FAS: variants seen among roughly 807,000 people sequenced by gnomAD.
FAS encodes the protein Fas cell surface death receptor.
FAS carries 5 observed loss-of-function variants against 33.2 expected under a neutral mutation model. The ratio of observed to expected loss-of-function variants is 0.15; its 90% CI spans 0.08 to 0.32. The LOEUF is 0.32. Among genes scored for constraint, FAS ranks in the 10% least tolerant of loss-of-function variants. The pLI, the probability that FAS is intolerant of heterozygous loss-of-function variation, is 1.00. For missense variants in FAS, 339 were observed against 386.0 expected (o/e 0.88, Z 1.02); for synonymous variants, 131 against 130.7 (o/e 1.00, Z -0.01).
upstream of FAS, among the ~76,000 whole-genome samples, chr10:88,985,276 G>A (rs1846842864): frequency 6.6e-6 from 1 of 152,168 alleles, no homozygotes; most frequent in African/African-American, 2.4e-5. Context: ...TAGGGACTCT[G>A]TCCTTCATAG....
intron 1 of FAS, among the ~76,000 whole-genome samples, chr10:89,000,873 G>T (rs1222257973): frequency 5.9e-5 from 9 of 151,526 alleles, no homozygotes. Context: ...GTGGTGAAAT[G>T]CCGTCTCTAC....
intron 2 of FAS, among the ~76,000 whole-genome samples, chr10:88,975,855 C>T (rs1365859962): frequency 1.3e-5 from 2 of 152,106 alleles, no homozygotes; most frequent in Non-Finnish European, 2.9e-5. Flanking sequence ...GTTTTTAGTG[C>T]ACTATCAGTA....
Position 89,010,774 on chromosome 10 carries a change from G to C in FAS, c.527G>C (p.Trp176Ser). Residue 176 changes from tryptophan (W) to serine (S), a missense_variant, in exon 6 of 9, where the codon TGG becomes TCG. Transcript: ENST00000652046. ...ACAGGATCCAGATCTAACTTGGGGT[G>C]GCTTTGTCTTCTTCTTTTGCCAATT... is the stretch of plus-strand genomic sequence containing the variant. ...KEEGSRSNLG[W>S]LCLLLLPIPL... is the part of the protein sequence containing the mutation. 6.2e-7 allele frequency: 1 copy of C among 1,614,026 alleles called. No individual in the cohort carries two copies. The highest frequency in any genetic ancestry group is 8.5e-7 in the Non-Finnish European group (1 of 1,179,986).
chr10:89,011,294 A>G (rs1848516577), intron 6 of FAS, among the ~76,000 whole-genome samples: 1 of 152,178 alleles, frequency 6.6e-6, no homozygotes, highest in East Asian at 1.9e-4. Context: ...TACAAAGGTG[A>G]CTTAGTAGAG....
chr10:88,970,831 C>A (rs1195027002), intron 1 of FAS, among the ~76,000 whole-genome samples: 1 of 152,004 alleles, frequency 6.6e-6, no homozygotes, highest in Non-Finnish European at 1.5e-5. Context: ...AACAAACCTG[C>A]ACGTTGTGCA....
chr10:88,971,706 G>A (rs759592460), intron 1 of FAS, among the ~76,000 whole-genome samples: 2 of 152,042 alleles, frequency 1.3e-5, no homozygotes, highest in Admixed American at 6.6e-5. Flanking sequence ...ATACAAACAG[G>A]AGTCCTAGCA....
At chr10:88,997,332 A>T (rs998166240) in intron 1 of FAS, among the ~76,000 whole-genome samples, 4 of 152,234 alleles carry the variant, frequency 2.6e-5, no homozygotes, top group Admixed American at 2.6e-4. Context: ...CTCTAGCACT[A>T]AACTCAAAAT....
At chr10:88,972,409 TCTC>T (rs780990001) in intron 1 of FAS, among the ~76,000 whole-genome samples, 1 of 152,174 alleles carries the variant, frequency 6.6e-6, no homozygotes, top group Non-Finnish European at 1.5e-5. Flanking sequence ...AAAAAATTGA[TCTC>T]CTTTTATTTT....
chr10:88,991,015 C>CG lies in FAS; in HGVS notation c.30+112dup, dbSNP rs1847155708. 3 of 1,492,158 alleles carry CG rather than the reference C, an allele frequency of 2.0e-6. No individual in the cohort carries two copies. The Admixed American group carries it at 5.4e-5, about 27-fold the overall frequency. The allele number at this position is 1,492,158 out of a possible 1,614,324, so 92.4% of individuals were successfully genotyped here. A position where few individuals can be genotyped will look rare whatever the true frequency, so the allele number is the denominator to read the frequency against. On this transcript the variant is annotated intron_variant, in intron 1 of 8. Coordinates refer to ENST00000652046, the MANE Select transcript of FAS (RefSeq NM_000043.6). ...GGGATTGCGGCGGCAGCGGCGCACGCGGGCACCTGGGAGCGGCGGGCTGCT... is the reference window on the plus strand; with the variant it reads ...GGGATTGCGGCGGCAGCGGCGCACGCGGGGCACCTGGGAGCGGCGGGCTGCT...
intron 2 of FAS, among the ~76,000 whole-genome samples, chr10:88,979,841 T>G (rs1166701628): frequency 6.6e-6 from 1 of 152,224 alleles, no homozygotes; most frequent in Non-Finnish European, 1.5e-5. Flanking sequence ...TTCTAGTGCC[T>G]GTGTCCTCAC....
chr10:88,987,020 TTAC>T (rs1367893407), upstream of FAS, among the ~76,000 whole-genome samples: 1 of 152,172 alleles, frequency 6.6e-6, no homozygotes, highest in Non-Finnish European at 1.5e-5. Context: ...GATTCACAGA[TTAC>T]CTATCCAAAT....
At chr10:88,993,552 C>A (rs1459536541) in intron 1 of FAS, among the ~76,000 whole-genome samples, 1 of 152,104 alleles carries the variant, frequency 6.6e-6, no homozygotes, top group African/African-American at 2.4e-5. Flanking sequence ...CTCTCCTTTA[C>A]ATTTTGTAGA....
At chr10:88,985,446 G>T (rs1392770728), upstream of FAS, among the ~76,000 whole-genome samples, 4 of 152,182 alleles carry the variant, frequency 2.6e-5, no homozygotes, top group South Asian at 2.1e-4. Flanking sequence ...ATTGCCTTCT[G>T]CAGAAAACCA....
At chr10:88,965,326 T>A (rs972109934) in intron 1 of FAS, among the ~76,000 whole-genome samples, 1 of 152,198 alleles carries the variant, frequency 6.6e-6, no homozygotes, top group Non-Finnish European at 1.5e-5. Flanking sequence ...AGCAACTTTC[T>A]ATTTTCCCCA....
intron 6 of FAS, among the ~76,000 whole-genome samples, chr10:89,011,427 C>T (rs556715950): frequency 6.6e-6 from 1 of 152,332 alleles, no homozygotes; most frequent in East Asian, 1.9e-4. Flanking sequence ...TTTCCCTTCT[C>T]AGAACAATTA....
chr10:89,002,217 A>G (rs1409053369), intron 1 of FAS, among the ~76,000 whole-genome samples: 1 of 152,228 alleles, frequency 6.6e-6, no homozygotes, highest in Non-Finnish European at 1.5e-5. Context: ...AAACTATTCT[A>G]CAAATATGAA....
intron 2 of FAS, among the ~76,000 whole-genome samples, chr10:88,981,220 CACCTA>C (rs1846703109): frequency 6.6e-6 from 1 of 152,206 alleles, no homozygotes; most frequent in South Asian, 2.1e-4. Flanking sequence ...TAGTTAAACT[CACCTA>C]ACCTATGTTT....
intron 3 of FAS, 34 bp downstream of exon 3, chr10:89,007,871 A>G (rs372222615): frequency 4.5e-5 from 73 of 1,612,978 alleles, no homozygotes; most frequent in Admixed American, 1.2e-4. Flanking sequence ...AAAGAGGCCA[A>G]TCTTGGAATT....
At position 89,016,194 on chromosome 10, in the gene FAS, A is replaced by G. The variant is rs889746299; in HGVS notation, c.*1744A>G. Reference sequence around the variant, plus strand: ...GCTAGTAATATATTCTATTTAACCCATGAGTCCCAAAGTATTAGCATTTCA... The same window carrying G: ...GCTAGTAATATATTCTATTTAACCCGTGAGTCCCAAAGTATTAGCATTTCA... On this transcript the variant is annotated 3_prime_UTR_variant, in exon 9 of 9. Transcript: ENST00000652046. 4.6e-6 allele frequency: 1 copy of G among 216,842 alleles called. No individual in the cohort carries two copies. Among genetic ancestry groups the G allele is most frequent in the Non-Finnish European group, 9.3e-6 (1 of 107,842 alleles). 13.4% of individuals were successfully genotyped at this position (216,842 alleles called of 1,614,324 possible). A position where few individuals can be genotyped will look rare whatever the true frequency, so the allele number is the denominator to read the frequency against.
Sources: gnomAD v4.1 joint callset for allele counts (sites outside exome capture counted in the v4.1 genomes callset) on GRCh38, gnomAD v4.1.1 for gene constraint, MANE v1.5 for transcripts, NCBI Gene and HGNC (gene_info 2026-07-23, HGNC 2026-07-21) for gene names.